Variants in TTLL11 observed in about 807,000 individuals in gnomAD.
TTLL11 encodes the protein tubulin polyglutamylase TTLL11.
TTLL11 carries 42 observed loss-of-function variants against 51.7 expected under a neutral mutation model. The ratio of observed to expected loss-of-function variants is 0.81; its 90% confidence interval spans 0.64 to 1.05. The LOEUF is 1.05. Among genes scored for constraint, TTLL11 ranks in the 50% least tolerant of loss-of-function variants. The probability of loss-of-function intolerance (pLI) is 0.00; values close to 1 mark genes in which losing one functional copy is unlikely to be tolerated. For missense variants in TTLL11, 799 were observed against 940.4 expected (o/e 0.85, Z 1.97); for synonymous variants, 381 against 383.5 (o/e 0.99, Z 0.08).
chr9:122,024,582 A>G (rs993541720), intron 3 of TTLL11, among the ~76,000 whole-genome samples: 2 of 152,242 alleles, frequency 1.3e-5, no homozygotes, highest in African/African-American at 4.8e-5. Context: ...AAGAGAGACA[A>G]ATAGATCAAA....
At chr9:121,948,882 C>A (rs928522649) in intron 6 of TTLL11, among the ~76,000 whole-genome samples, 1 of 152,216 alleles carries the variant, frequency 6.6e-6, no homozygotes, top group Non-Finnish European at 1.5e-5. Flanking sequence ...AGAGCAAGAA[C>A]ATGACCTGAT....
At chr9:122,059,137 C>T (rs1327215202) in intron 1 of TTLL11, among the ~76,000 whole-genome samples, 1 of 152,122 alleles carries the variant, frequency 6.6e-6, no homozygotes, top group Non-Finnish European at 1.5e-5. Flanking sequence ...TATCCTGTTG[C>T]AAATAATGAT....
intron 6 of TTLL11, among the ~76,000 whole-genome samples, chr9:121,897,923 CTTT>C (rs113818323): frequency 7.0e-6 from 1 of 143,138 alleles, no homozygotes; most frequent in Non-Finnish European, 1.5e-5. Flanking sequence ...TTCTTCTATT[CTTT>C]TTTTTTTTTT....
At chr9:122,026,629 GCTGT>G (rs1270247908) in intron 3 of TTLL11, among the ~76,000 whole-genome samples, 1 of 151,992 alleles carries the variant, frequency 6.6e-6, no homozygotes, top group African/African-American at 2.4e-5. Flanking sequence ...TCTCAATAAA[GCTGT>G]CTGTTAAAAA....
At position 121,871,831 on chromosome 9, in the gene TTLL11, C is replaced by T. The variant is rs146595252; in HGVS notation, c.1482-1083G>A. ...GCCACTCACTGGCCTGCCCTGGAAC[C>T]GGAGACTCCATGCTCCTTGGACACC... is the stretch of plus-strand genomic sequence containing the variant. On this transcript the variant is annotated intron_variant, in intron 6 of 8. Coordinates refer to ENST00000321582, the MANE Select transcript of TTLL11 (RefSeq NM_001139442.2). 4.1e-4 allele frequency among the ~76,000 whole-genome samples: 62 copies of T among 152,288 alleles called. 1 individual carries two copies. The highest frequency in any genetic ancestry group is 1.4e-3 in the African/African-American group (60 of 41,550).
At chr9:121,971,483 C>T (rs1260621484) in intron 6 of TTLL11, among the ~76,000 whole-genome samples, 3 of 133,704 alleles carry the variant, frequency 2.2e-5, no homozygotes, top group East Asian at 4.3e-4. Context: ...CCGCCCCGTC[C>T]GGGAGGTGAG....
At chr9:122,032,555 T>C (rs966054316) in intron 2 of TTLL11, among the ~76,000 whole-genome samples, 12 of 150,676 alleles carry the variant, frequency 8.0e-5, no homozygotes, top group Admixed American at 3.3e-4. Context: ...ATTAAAAGAA[T>C]GGTGGGGGTG....
At chr9:121,950,639 A>G (rs1841823671) in intron 6 of TTLL11, among the ~76,000 whole-genome samples, 1 of 152,140 alleles carries the variant, frequency 6.6e-6, no homozygotes, top group Non-Finnish European at 1.5e-5. Context: ...AGAGAAATGA[A>G]CCGTATCGAA....
intron 6 of TTLL11, among the ~76,000 whole-genome samples, chr9:121,903,802 A>C (rs1245691955): frequency 6.6e-6 from 1 of 152,256 alleles, no homozygotes; most frequent in Non-Finnish European, 1.5e-5. Flanking sequence ...TGAATCTGTC[A>C]GTAAAAGCAA....
At chr9:121,846,753 A>C (rs10985419) in intron 8 of TTLL11, among the ~76,000 whole-genome samples, 100,714 of 151,828 alleles carry the variant, frequency 0.66, 33,702 homozygotes, top group East Asian at 0.77. Flanking sequence ...TAAAATATAA[A>C]TTATTGAAAT....
intron 6 of TTLL11, among the ~76,000 whole-genome samples, chr9:121,883,727 G>A (rs2131423118): frequency 6.6e-6 from 1 of 152,290 alleles, no homozygotes; most frequent in South Asian, 2.1e-4. Context: ...TTGCAGTGGT[G>A]TTTCTCACAG....
At chr9:122,071,426 G>C (rs1213041259) in intron 1 of TTLL11, among the ~76,000 whole-genome samples, 1 of 152,180 alleles carries the variant, frequency 6.6e-6, no homozygotes, top group African/African-American at 2.4e-5. Context: ...TCTCTGCCTG[G>C]AAGGAGATGC....
chr9:122,000,589 C>A (rs761308336), intron 3 of TTLL11, among the ~76,000 whole-genome samples: 1 of 151,394 alleles, frequency 6.6e-6, no homozygotes, highest in Non-Finnish European at 1.5e-5. Flanking sequence ...GTCATCCTCA[C>A]TGCTACACTC....
chr9:121,987,333 T>G (rs569793316), intron 4 of TTLL11, among the ~76,000 whole-genome samples: 15 of 152,262 alleles, frequency 9.9e-5, no homozygotes, highest in African/African-American at 3.6e-4. Flanking sequence ...CAAAATGACT[T>G]TAAGGATTAG....
At chr9:122,043,443 A>G (rs903506987) in intron 1 of TTLL11, among the ~76,000 whole-genome samples, 2 of 152,194 alleles carry the variant, frequency 1.3e-5, no homozygotes, top group Admixed American at 6.5e-5. Context: ...CCACGTGCAA[A>G]AAGAATGAAG....
chr9:121,855,749 G>T (rs1837796599), intron 8 of TTLL11, among the ~76,000 whole-genome samples: 1 of 152,160 alleles, frequency 6.6e-6, no homozygotes, highest in African/African-American at 2.4e-5. Flanking sequence ...TTTTATTTTT[G>T]CATTTGTCTG....
chr9:121,971,173 T>G (rs1186557222), intron 6 of TTLL11, among the ~76,000 whole-genome samples: 2 of 55,658 alleles, frequency 3.6e-5, no homozygotes, highest in African/African-American at 1.2e-4. Context: ...GGTAGGGGGG[T>G]CAGCCCCCCG....
chr9:121,880,873 G>T (rs980163173), intron 6 of TTLL11, among the ~76,000 whole-genome samples: 4 of 152,238 alleles, frequency 2.6e-5, no homozygotes, highest in African/African-American at 9.6e-5. Context: ...TGGCCTAAGC[G>T]AGGAGGCTGG....
At chr9:121,986,174 A>G (rs536468014) in intron 4 of TTLL11, among the ~76,000 whole-genome samples, 57 of 152,318 alleles carry the variant, frequency 3.7e-4, no homozygotes, top group African/African-American at 1.4e-3. Flanking sequence ...TGTCCAAACC[A>G]GTGGCTCCCT....
Sources: allele counts gnomAD v4.1 joint callset (sites outside exome capture counted in the v4.1 genomes callset), GRCh38; gene constraint gnomAD v4.1.1; transcripts MANE v1.5; gene names NCBI Gene and HGNC (gene_info 2026-07-23, HGNC 2026-07-21).